The following GFPT1 variants were observed in gnomAD, a reference collection of about 807,000 sequenced individuals.
GFPT1 encodes glutamine--fructose-6-phosphate aminotransferase [isomerizing] 1.
A neutral mutation model predicts 92.0 loss-of-function variants in GFPT1; 40 were observed. The ratio of observed to expected loss-of-function variants is 0.43; its 90% confidence interval spans 0.34 to 0.57. GFPT1 has a LOEUF of 0.57. Ranked by LOEUF, GFPT1 falls within the 20% of genes least tolerant of loss-of-function variation. GFPT1 has a pLI of 0.02. For missense variants in GFPT1, 448 were observed against 869.1 expected (o/e 0.52, Z 6.09); for synonymous variants, 269 against 280.6 (o/e 0.96, Z 0.41).
rs1670496915 is a variant in GFPT1, at chr2:69,325,055, C to T, written c.*1134G>A. On this transcript the variant is annotated 3_prime_UTR_variant, in exon 20 of 20. Coordinates refer to ENST00000357308, the MANE Select transcript of GFPT1 (RefSeq NM_001244710.2). ...TTAGGATACAATACTAAATTTGGTG[C>T]CTATCAGTGTAAAGCATACATACCT... 1 of 152,096 alleles carries T rather than the reference C, an allele frequency of 6.6e-6. No homozygotes were observed. Among genetic ancestry groups the T allele is most frequent in the Non-Finnish European group, 1.5e-5 (1 of 67,978 alleles). 9.4% of individuals were successfully genotyped at this position (152,096 alleles called of 1,614,324 possible).
intron 2 of GFPT1, among the ~76,000 whole-genome samples, chr2:69,372,452 C>T (rs903631798): frequency 2.1e-4 from 32 of 152,008 alleles, no homozygotes; most frequent in African/African-American, 7.5e-4. Flanking sequence ...TGCCTGTTAT[C>T]CCAGCTACTG....
intron 1 of GFPT1, among the ~76,000 whole-genome samples, chr2:69,383,333 T>A (rs2104704678): frequency 6.6e-6 from 1 of 152,278 alleles, no homozygotes; most frequent in South Asian, 2.1e-4. Context: ...CCAGAACCTA[T>A]TAACCTCCAT....
intron 7 of GFPT1, 144 bp from the exon 8 acceptor site, chr2:69,354,712 A>T: frequency 3.0e-6 from 2 of 667,102 alleles, no homozygotes; most frequent in Middle Eastern, 3.8e-4. Flanking sequence ...GATAAAAAGA[A>T]TTTTTTAAAA....
At chr2:69,340,581 C>T (rs1023653870) in intron 13 of GFPT1, among the ~76,000 whole-genome samples, 1 of 151,946 alleles carries the variant, frequency 6.6e-6, no homozygotes, top group Non-Finnish European at 1.5e-5. Context: ...AAAAATTTTG[C>T]AACCTCTGGC....
At chr2:69,360,404 T>C (rs1389837358) in intron 4 of GFPT1, among the ~76,000 whole-genome samples, 1 of 150,662 alleles carries the variant, frequency 6.6e-6, no homozygotes, top group Non-Finnish European at 1.5e-5. Context: ...AGGAGAAAAA[T>C]TACTGCTAAA....
chr2:69,343,000 T>A (rs1194259068), intron 12 of GFPT1, among the ~76,000 whole-genome samples: 1 of 152,180 alleles, frequency 6.6e-6, no homozygotes, highest in African/African-American at 2.4e-5. Flanking sequence ...CAGTTCTCTC[T>A]TCTGTTCTCC....
At chr2:69,369,680 T>C (rs558218297) in intron 3 of GFPT1, among the ~76,000 whole-genome samples, 27 of 152,354 alleles carry the variant, frequency 1.8e-4, no homozygotes, top group African/African-American at 6.5e-4. Context: ...TCACTAAAAA[T>C]ACCTTTTGTC....
At chr2:69,329,160 G>T in intron 17 of GFPT1, 137 bp downstream of exon 17, 1 of 853,182 alleles carries the variant, frequency 1.2e-6, no homozygotes, top group Non-Finnish European at 1.9e-6. Context: ...CTTTCTCAAA[G>T]TAAACAAACC....
In GFPT1 at chr2:69,342,246, T is replaced by C. The variant is rs1490058775; in HGVS notation, c.1109A>G (p.Asn370Ser). The C allele has an allele frequency of 1.9e-6, 3 of 1,584,722 alleles. No homozygotes were observed. Among genetic ancestry groups the C allele is most frequent in the Non-Finnish European group, 2.6e-6 (3 of 1,153,478 alleles). The stretch of plus-strand genomic sequence containing the variant: ...TATGTGATCCTTCAAACCACCCAAA[T>C]TCACTGAAATAAAAGTTTGTGTACA... ...GRVNFDDYTV[N>S]LGGLKDHIKE... Residue 370 changes from asparagine (N) to serine (S), a missense_variant, in exon 13 of 20, where the codon AAT (asparagine) becomes AGT (serine). By Grantham distance (46) the Asn-to-Ser change is conservative. Transcript: ENST00000357308.
intron 1 of GFPT1, among the ~76,000 whole-genome samples, chr2:69,379,576 C>T (rs1574090525): frequency 6.6e-6 from 1 of 152,146 alleles, no homozygotes. Flanking sequence ...TCTGCTCTGT[C>T]GCCCAGGCTG....
intron 12 of GFPT1, among the ~76,000 whole-genome samples, chr2:69,344,656 AT>A (rs111257221): frequency 5.7e-4 from 83 of 146,218 alleles, no homozygotes; most frequent in East Asian, 1.0e-3. Flanking sequence ...ACTCTTTTTT[AT>A]TTTTTTTTTT....
At chr2:69,386,650 A>G (rs964811414) in intron 1 of GFPT1, among the ~76,000 whole-genome samples, 3 of 152,196 alleles carry the variant, frequency 2.0e-5, no homozygotes, top group East Asian at 1.9e-4. Flanking sequence ...TTTTTAGAAA[A>G]ATGCAAGGTA....
At chr2:69,352,631 A>AC (rs1671237501) in intron 9 of GFPT1, among the ~76,000 whole-genome samples, 1 of 151,578 alleles carries the variant, frequency 6.6e-6, no homozygotes, top group African/African-American at 2.4e-5. Context: ...AAAAAAAAAA[A>AC]AAAAAACAAC....
At chr2:69,333,228 TA>T (rs1009706218) in intron 15 of GFPT1, among the ~76,000 whole-genome samples, 1 of 152,232 alleles carries the variant, frequency 6.6e-6, no homozygotes, top group Non-Finnish European at 1.5e-5. Context: ...CTGGAATACT[TA>T]AACTGTTTCC....
At position 69,378,776 on chromosome 2, in the gene GFPT1, C is replaced by A. The variant is rs1259733558; in HGVS notation, c.8-4663G>T. On this transcript the variant is annotated intron_variant, in intron 1 of 19. Coordinates refer to ENST00000357308, the MANE Select transcript of GFPT1 (RefSeq NM_001244710.2). ...TAAATTTTATTTTTATATATTTTATCATTTGACAGCTGCAATATTTTGGGA... is the reference window on the plus strand; with the variant it reads ...TAAATTTTATTTTTATATATTTTATAATTTGACAGCTGCAATATTTTGGGA... 3.3e-5 allele frequency among the ~76,000 whole-genome samples: 5 copies of A among 152,278 alleles called. No individual in the cohort carries two copies. In the East Asian group the frequency reaches 7.7e-4, roughly 23 times the overall value.
intron 1 of GFPT1, among the ~76,000 whole-genome samples, chr2:69,376,723 A>C (rs1316293610): frequency 6.6e-6 from 1 of 152,226 alleles, no homozygotes; most frequent in Admixed American, 6.5e-5. Flanking sequence ...CTCTTTTTTA[A>C]GAAATCTAAG....
chr2:69,359,470 T>A, intron 4 of GFPT1, 144 bp from the exon 5 acceptor site: 3 of 601,784 alleles, frequency 5.0e-6, no homozygotes, highest in Admixed American at 2.5e-5. Flanking sequence ...TAATTACATC[T>A]ACTTCTCATT....
chr2:69,386,176 A>G (rs1672123765), intron 1 of GFPT1, among the ~76,000 whole-genome samples: 1 of 152,250 alleles, frequency 6.6e-6, no homozygotes, highest in South Asian at 2.1e-4. Context: ...CACGATTCTC[A>G]AAGTCTCTTT....
chr2:69,384,273 T>C (rs946003714), intron 1 of GFPT1, among the ~76,000 whole-genome samples: 17 of 152,350 alleles, frequency 1.1e-4, no homozygotes, highest in Middle Eastern at 6.8e-3. Flanking sequence ...AGAGGATCTT[T>C]TTTCCTAACA....
Sources: allele counts gnomAD v4.1 joint callset (sites outside exome capture counted in the v4.1 genomes callset), GRCh38; gene constraint gnomAD v4.1.1; transcripts MANE v1.5; gene names NCBI Gene and HGNC (gene_info 2026-07-23, HGNC 2026-07-21).